Variants in ASB15 observed in about 807,000 individuals in gnomAD.
The protein encoded by ASB15 is ankyrin repeat and SOCS box containing 15.
In ASB15, 54 loss-of-function variants were observed where a neutral mutation model predicts 58.0. The ratio of observed to expected loss-of-function variants is 0.93; its 90% CI spans 0.75 to 1.17. ASB15 has a LOEUF of 1.17. Among genes scored for constraint, ASB15 ranks in the 50% most tolerant of loss-of-function variants. The pLI, the probability that ASB15 is intolerant of heterozygous loss-of-function variation, is 0.00. For missense variants in ASB15, 680 were observed against 707.4 expected, an observed-to-expected ratio of 0.96 and a Z score of 0.44; for synonymous variants, 249 against 262.4, an observed-to-expected ratio of 0.95 and a Z score of 0.50.
intron 1 of ASB15, among the ~76,000 whole-genome samples, chr7:123,592,661 G>T (rs1255513454): frequency 6.6e-6 from 1 of 152,056 alleles, no homozygotes; most frequent in African/African-American, 2.4e-5. Flanking sequence ...CGTTTGTTGC[G>T]ATTTCTGTTC....
At chr7:123,585,449 C>G (rs1397956264) in intron 1 of ASB15, among the ~76,000 whole-genome samples, 1 of 151,580 alleles carries the variant, frequency 6.6e-6, no homozygotes, top group African/African-American at 2.4e-5. Flanking sequence ...ACATCAGCAC[C>G]CTTTGACCTG....
intron 7 of ASB15, among the ~76,000 whole-genome samples, chr7:123,622,518 T>G (rs937633625): frequency 6.6e-6 from 1 of 152,232 alleles, no homozygotes; most frequent in Admixed American, 6.5e-5. Flanking sequence ...AAGTGAAGTT[T>G]TGATTTTTTA....
intron 1 of ASB15, among the ~76,000 whole-genome samples, chr7:123,573,538 T>A (rs1264177970): frequency 6.6e-6 from 1 of 152,094 alleles, no homozygotes; most frequent in Non-Finnish European, 1.5e-5. Context: ...GAGGGCTTTC[T>A]CTAAACCTCC....
chr7:123,623,919 GAAGAAAGAAAGAAAAGAAAGAAAGAAAGA>G (rs1210066779), intron 7 of ASB15, among the ~76,000 whole-genome samples: 1 of 17,056 alleles, frequency 5.9e-5, no homozygotes, highest in Non-Finnish European at 1.0e-4. Context: ...AGGAAGGAAG[GAAGAAAGAAAGAAAAGAAAGAAAGAAAGA>G]AAGAAAGAAA....
intron 4 of ASB15, 144 bp downstream of exon 4, chr7:123,614,753 G>A: frequency 1.5e-6 from 1 of 659,878 alleles, no homozygotes. Flanking sequence ...CTTTCCAAGG[G>A]CCACTGTTCA....
chr7:123,634,691 C>A (rs1802320143), intron 11 of ASB15, among the ~76,000 whole-genome samples: 1 of 152,066 alleles, frequency 6.6e-6, no homozygotes, highest in Non-Finnish European at 1.5e-5. Context: ...CCATTAGTAA[C>A]TAAAGAGTAG....
intron 1 of ASB15, among the ~76,000 whole-genome samples, chr7:123,574,087 G>T (rs377198390): frequency 1.3e-5 from 2 of 152,020 alleles, no homozygotes; most frequent in Non-Finnish European, 2.9e-5. Context: ...ATGATTGTTA[G>T]CCTGTTAAAT....
intron 3 of ASB15, 34 bp from the exon 4 acceptor site, chr7:123,614,467 A>C (rs771901866): frequency 8.2e-6 from 11 of 1,346,586 alleles, no homozygotes; most frequent in Non-Finnish European, 1.2e-5. Context: ...ATTTCTTGAT[A>C]ATAAGAACTT....
intron 1 of ASB15, among the ~76,000 whole-genome samples, chr7:123,590,545 C>A (rs1317316226): frequency 6.6e-6 from 1 of 152,114 alleles, no homozygotes; most frequent in African/African-American, 2.4e-5. Context: ...ATATGGCTAG[C>A]CAGTTTTCCC....
At chr7:123,634,146 T>C (rs1392688701) in intron 11 of ASB15, among the ~76,000 whole-genome samples, 2 of 152,112 alleles carry the variant, frequency 1.3e-5, no homozygotes. Flanking sequence ...TCCCATCACC[T>C]AGGTATTAAG....
At chr7:123,581,612 A>G (rs767205926) in intron 1 of ASB15, among the ~76,000 whole-genome samples, 74 of 151,934 alleles carry the variant, frequency 4.9e-4, no homozygotes, top group Admixed American at 3.6e-3. Flanking sequence ...ACTGATATAC[A>G]TCAAATTGTG....
chr7:123,619,124 G>A (rs906627773), intron 7 of ASB15, among the ~76,000 whole-genome samples: 2 of 142,138 alleles, frequency 1.4e-5, no homozygotes, highest in African/African-American at 5.2e-5. Context: ...AGGTTTCAGT[G>A]AGCCGAGATC....
chr7:123,583,185 G>T (rs1403717080), intron 1 of ASB15, among the ~76,000 whole-genome samples: 1 of 151,816 alleles, frequency 6.6e-6, no homozygotes, highest in Non-Finnish European at 1.5e-5. Context: ...GAGGCCAGGA[G>T]TTCAAGATCA....
chr7:123,624,412 G>A (rs574898946), intron 7 of ASB15, 157 bp from the exon 8 acceptor site: 4 of 681,622 alleles, frequency 5.9e-6, no homozygotes, highest in Middle Eastern at 8.3e-4. Context: ...ACTTGGGTAT[G>A]AGAAACAGAA....
intron 1 of ASB15, among the ~76,000 whole-genome samples, chr7:123,580,614 T>G (rs1415857761): frequency 6.6e-6 from 1 of 152,064 alleles, no homozygotes; most frequent in Non-Finnish European, 1.5e-5. Flanking sequence ...GGCACCTTTG[T>G]GCAGTTTGGA....
chr7:123,635,813 T>G (rs1304590663), intron 11 of ASB15, among the ~76,000 whole-genome samples: 1 of 152,030 alleles, frequency 6.6e-6, no homozygotes, highest in African/African-American at 2.4e-5. Context: ...AAAAATTGTC[T>G]ATTTTTTAGA....
Position 123,614,908 on chromosome 7 carries a change from A to C in ASB15, c.107+299A>C, listed in dbSNP as rs188805555. Among the ~76,000 whole-genome samples, 14 of 152,320 alleles carry C rather than the reference A, an allele frequency of 9.2e-5. No homozygotes were observed. In the East Asian group the frequency reaches 2.5e-3, roughly 27 times the overall value. ...TATAGATTAACAAAGGGCAATGAGT[A>C]ATTTGAACATATTTGCAAGTACAGT... On this transcript the variant is annotated intron_variant, in intron 4 of 11. Transcript: ENST00000451215.
At position 123,571,618 on chromosome 7, in the gene ASB15, A is replaced by T. The variant is rs547824535; in HGVS notation, c.-443+4530A>T. On this transcript the variant is annotated intron_variant, in intron 1 of 13. Coordinates refer to the ASB15 transcript ENST00000451558. ...AGAGAAGCATTATATCAAAAAATAT[A>T]AACAGTTAAGGTCATTGCCAAGTCT... 3.3e-4 allele frequency among the ~76,000 whole-genome samples: 51 copies of T among 152,372 alleles called. 1 individual carries two copies. The highest frequency in any genetic ancestry group is 1.2e-3 in the African/African-American group (51 of 41,594).
rs1435593377 is a variant in ASB15 at position 123,623,919 on chromosome 7, GAAGAAAGAAAGAAAAGA to G, written c.452-635_452-619del. Among the ~76,000 whole-genome samples, 44 of 17,056 alleles carry G rather than the reference GAAGAAAGAAAGAAAAGA, an allele frequency of 2.6e-3. 1 individual carries two copies. The highest frequency in any genetic ancestry group is 4.1e-3 in the Non-Finnish European group (39 of 9,572). The allele number at this position is 17,056 out of a possible 152,430, so 11.2% of individuals were successfully genotyped here. ...GAAAGAATGGAAGGAAGGAAGGAAG[GAAGAAAGAAAGAAAAGA>G]AAGAAAGAAAGAAAGAAAGAAAGAA... On this transcript the variant is annotated intron_variant, in intron 7 of 11. Transcript: ENST00000451215.
Sources: gnomAD v4.1 joint callset for allele counts (sites outside exome capture counted in the v4.1 genomes callset) on GRCh38, gnomAD v4.1.1 for gene constraint, MANE v1.5 for transcripts, NCBI Gene and HGNC (gene_info 2026-07-23, HGNC 2026-07-21) for gene names.